Variants in PIGK observed in about 807,000 individuals in gnomAD.
PIGK encodes the protein GPI-anchor transamidase.
PIGK carries 42 observed loss-of-function variants against 50.6 expected under a neutral mutation model. The ratio of observed to expected loss-of-function variants is 0.83; its 90% CI spans 0.65 to 1.07. PIGK has a LOEUF of 1.07. PIGK is among the 50% of genes least tolerant of loss of function. The pLI, the probability that PIGK is intolerant of heterozygous loss-of-function variation, is 0.00. For missense variants in PIGK, 448 were observed against 488.7 expected, an observed-to-expected ratio of 0.92 and a Z score of 0.78; for synonymous variants, 151 against 156.0, an observed-to-expected ratio of 0.97 and a Z score of 0.24.
chr1:77,198,781 T>C (rs1656091108), intron 3 of PIGK, among the ~76,000 whole-genome samples: 2 of 151,994 alleles, frequency 1.3e-5, no homozygotes, highest in Admixed American at 6.6e-5. Flanking sequence ...AAAGACTTAA[T>C]ACCAAAAAGA....
intron 9 of PIGK, among the ~76,000 whole-genome samples, chr1:77,142,124 TTTTTG>T (rs775083291): frequency 3.4e-4 from 52 of 152,266 alleles, no homozygotes; most frequent in South Asian, 1.2e-3. Flanking sequence ...ATTGAGTTGT[TTTTTG>T]TTTTGTTTTG....
chr1:77,159,731 G>A (rs1655093936), intron 8 of PIGK, among the ~76,000 whole-genome samples: 1 of 152,136 alleles, frequency 6.6e-6, no homozygotes, highest in African/African-American at 2.4e-5. Context: ...CTTCGTTTTG[G>A]CCAATTTCTC....
intron 9 of PIGK, among the ~76,000 whole-genome samples, chr1:77,142,503 G>A (rs979906710): frequency 6.6e-6 from 1 of 152,116 alleles, no homozygotes; most frequent in African/African-American, 2.4e-5. Flanking sequence ...TACTGTATTA[G>A]TCCATTTCAC....
At chr1:77,172,780 C>T (rs4949651) in intron 3 of PIGK, among the ~76,000 whole-genome samples, 26,576 of 151,786 alleles carry the variant, frequency 0.18, 2,520 homozygotes, top group East Asian at 0.36. Context: ...AAAAATTAGC[C>T]GGGCGTGATG....
Position 77,091,113 on chromosome 1 carries a change from A to G in PIGK, c.*1261T>C, listed in dbSNP as rs944543207. On this transcript the variant is annotated 3_prime_UTR_variant, in exon 11 of 11. Transcript: ENST00000370812. ...AAATCTTTGCACTGAATAAAGATGA[A>G]CACATAAATTCTTGCATAAAACAGA... 3.3e-5 allele frequency: 5 copies of G among 152,190 alleles called. No individual in the cohort carries two copies. Among genetic ancestry groups the G allele is most frequent in the African/African-American group, 1.2e-4 (5 of 41,460 alleles). 9.4% of individuals were successfully genotyped at this position (152,190 alleles called of 1,614,324 possible).
chr1:77,108,111 T>C (rs551829977), intron 10 of PIGK, among the ~76,000 whole-genome samples: 2 of 152,348 alleles, frequency 1.3e-5, no homozygotes, highest in South Asian at 4.1e-4. Flanking sequence ...TATTGTTATG[T>C]GTGAATTTGA....
chr1:77,104,897 G>C (rs1557792537), intron 10 of PIGK, among the ~76,000 whole-genome samples: 1 of 152,172 alleles, frequency 6.6e-6, no homozygotes, highest in African/African-American at 2.4e-5. Flanking sequence ...TAGTTCTGCT[G>C]TCTGTAGACA....
At chr1:77,129,949 A>G (rs1006838214) in intron 9 of PIGK, among the ~76,000 whole-genome samples, 1 of 151,838 alleles carries the variant, frequency 6.6e-6, no homozygotes. Context: ...TTAAATTTTT[A>G]TAAGAAATAG....
At chr1:77,133,372 C>T (rs1422615513) in intron 9 of PIGK, among the ~76,000 whole-genome samples, 1 of 152,092 alleles carries the variant, frequency 6.6e-6, no homozygotes, top group Non-Finnish European at 1.5e-5. Flanking sequence ...AAACTCCCCA[C>T]CTTTTCATCT....
intron 10 of PIGK, 132 bp downstream of exon 10, chr1:77,122,143 T>G: frequency 1.8e-6 from 1 of 566,772 alleles, no homozygotes; most frequent in Non-Finnish European, 3.1e-6. Flanking sequence ...ATAGGGGTAG[T>G]CTAAATAGGG....
rs1219279161 is a variant in PIGK, at chr1:77,143,683, G to A, written c.986+10766C>T. 2.6e-5 allele frequency among the ~76,000 whole-genome samples: 4 copies of A among 152,030 alleles called. No individual in the cohort carries two copies. In the South Asian group the frequency reaches 8.3e-4, roughly 31 times the overall value. On this transcript the variant is annotated intron_variant, in intron 9 of 10. Coordinates refer to ENST00000370812, the MANE Select transcript of PIGK (RefSeq NM_005482.3). ...CGCCAGCATTTAAAAATATTAGACA[G>A]TTCCCTATATACAAATATATGATAC...
chr1:77,161,665 T>G lies in PIGK; in HGVS notation c.631A>C (p.Met211Leu). ...FIIDTCQGAS[M>L]YERFYSPNIM... is the part of the protein sequence containing the mutation. ...TTAGGAGAATAAAATCGTTCATACA[T>G]GGATGCTCCTTGGCAAGTATCAATA... The change falls in exon 7 of 11, where the codon ATG becomes CTG. Residue 211 changes from methionine (M) to leucine (L), a missense_variant. Transcript: ENST00000370812. The G allele has an allele frequency of 6.3e-7, 1 of 1,586,110 alleles. No individual in the cohort carries two copies. The highest frequency in any genetic ancestry group is 8.7e-7 in the Non-Finnish European group (1 of 1,154,574).
chr1:77,116,720 A>C (rs1252230497), intron 10 of PIGK, among the ~76,000 whole-genome samples: 1 of 152,052 alleles, frequency 6.6e-6, no homozygotes, highest in Non-Finnish European at 1.5e-5. Flanking sequence ...GGGATGTTTA[A>C]GTTCAGTACT....
chr1:77,219,249 A>G, intron 1 of PIGK, 61 bp downstream of exon 1: 2 of 1,356,900 alleles, frequency 1.5e-6, no homozygotes, highest in Middle Eastern at 1.8e-4. Flanking sequence ...TGTGTATCGG[A>G]CATCTGCTGG....
At chr1:77,175,123 T>C (rs964919676) in intron 3 of PIGK, among the ~76,000 whole-genome samples, 6 of 152,302 alleles carry the variant, frequency 3.9e-5, no homozygotes, top group Non-Finnish European at 8.8e-5. Flanking sequence ...AAGACATTTG[T>C]TCTTAATCAG....
chr1:77,165,145 T>C (rs1353171020), intron 5 of PIGK, among the ~76,000 whole-genome samples: 1 of 152,104 alleles, frequency 6.6e-6, no homozygotes, highest in East Asian at 1.9e-4. Flanking sequence ...AATCCTATCT[T>C]CAACTACTGG....
intron 3 of PIGK, among the ~76,000 whole-genome samples, chr1:77,177,037 A>G (rs1336289678): frequency 1.3e-5 from 2 of 152,218 alleles, no homozygotes; most frequent in African/African-American, 2.4e-5. Context: ...CGGTAACCAG[A>G]TGGTTGGGCC....
chr1:77,130,636 C>G lies in PIGK; in HGVS notation c.987-8277G>C, dbSNP rs148430478. 2.6e-3 allele frequency among the ~76,000 whole-genome samples: 390 copies of G among 152,272 alleles called. 2 individuals are homozygous for G. The highest frequency in any genetic ancestry group is 8.3e-3 in the African/African-American group (346 of 41,568). On this transcript the variant is annotated intron_variant, in intron 9 of 10. Coordinates refer to ENST00000370812, the MANE Select transcript of PIGK (RefSeq NM_005482.3). ...TAAAATAGAAAATGCTGGTGTCAGA[C>G]AGACTAAATGCCTCTCCCACCACTA...
chr1:77,098,809 G>A (rs1337742870), intron 10 of PIGK, among the ~76,000 whole-genome samples: 1 of 151,934 alleles, frequency 6.6e-6, no homozygotes, highest in African/African-American at 2.4e-5. Context: ...ATGGAACAGG[G>A]AAATATTTTC....
Sources: allele counts gnomAD v4.1 joint callset (sites outside exome capture counted in the v4.1 genomes callset), GRCh38; gene constraint gnomAD v4.1.1; transcripts MANE v1.5; gene names NCBI Gene and HGNC (gene_info 2026-07-23, HGNC 2026-07-21).